The following RECK variants were observed in gnomAD, a reference collection of about 807,000 sequenced individuals.
RECK encodes the protein reversion inducing cysteine rich protein with kazal motifs.
RECK carries 69 observed loss-of-function variants against 115.1 expected under a neutral mutation model. The ratio of observed to expected loss-of-function variants is 0.60; its 90% CI spans 0.49 to 0.73. The LOEUF is 0.73. Ranked by LOEUF, RECK falls within the 30% of genes least tolerant of loss-of-function variation. RECK has a pLI of 0.00. For synonymous variants in RECK, 414 were observed against 419.7 expected, an observed-to-expected ratio of 0.99 and a Z score of 0.17; for missense variants, 1,047 against 1,203.7, an observed-to-expected ratio of 0.87 and a Z score of 1.93.
Position 36,123,129 on chromosome 9 carries a change from A to C in RECK, c.*84A>C. On this transcript the variant is annotated 3_prime_UTR_variant, in exon 21 of 21. Coordinates refer to ENST00000377966, the MANE Select transcript of RECK (RefSeq NM_021111.3). The stretch of plus-strand genomic sequence containing the variant: ...TTCAGGACTGCTGGTTTGTAGTTGA[A>C]TATTGGCCAAGGAAAGGCACATGTC... 8.9e-7 allele frequency: 1 copy of C among 1,117,974 alleles called. No homozygotes were observed. The highest frequency in any genetic ancestry group is 1.3e-6 in the Non-Finnish European group (1 of 777,536). The allele number at this position is 1,117,974 out of a possible 1,614,324, so 69.3% of individuals were successfully genotyped here.
At chr9:36,066,934 T>C in intron 6 of RECK, 1 of 1,098,486 alleles carries the variant, frequency 9.1e-7, no homozygotes, top group South Asian at 1.3e-5. Context: ...CCAGTCTATC[T>C]TCCCTAATTT....
In RECK at chr9:36,123,051, C is replaced by T; in HGVS notation, c.*6C>T. 1 of 1,609,026 alleles carries T rather than the reference C, an allele frequency of 6.2e-7. No homozygotes were observed. The highest frequency in any genetic ancestry group is 8.5e-7 in the Non-Finnish European group (1 of 1,176,214). On this transcript the variant is annotated 3_prime_UTR_variant, in exon 21 of 21. Transcript: ENST00000377966. ...TGCTCTGGACATATAACTGACTGCC[C>T]ACGGAAAGTGCAGAATGCTCCTCCA... is the stretch of plus-strand genomic sequence containing the variant.
chr9:36,081,466 A>G (rs1334406166), intron 7 of RECK, among the ~76,000 whole-genome samples: 4 of 152,100 alleles, frequency 2.6e-5, no homozygotes, highest in African/African-American at 9.7e-5. Flanking sequence ...CTGTTCTTAT[A>G]TGTCCTCACC....
At chr9:36,106,268 C>G (rs1427944425) in intron 13 of RECK, among the ~76,000 whole-genome samples, 2 of 148,608 alleles carry the variant, frequency 1.3e-5, no homozygotes, top group Non-Finnish European at 3.0e-5. Context: ...GGGTTTCACT[C>G]TTGTTACCCA....
Position 36,118,879 on chromosome 9 carries a change from CCT to C in RECK, c.2380_2381del (p.Ser794ArgfsTer43). ...ATGGGGACTGCCAGGCCGTCGGAGT[CCT>C]CTCAGAGCACAGCTCCGTCGCCGAG... ...YYGDCQAVGVLSEHSSVAECA... is the reference protein window; with the variant it reads ...YYGDCQAVGVXSEHSSVAECA... On this transcript the variant is annotated frameshift_variant, in exon 18 of 21. Transcript: ENST00000377966. LOFTEE classifies it high-confidence loss of function. The C allele has an allele frequency of 6.2e-7, 1 of 1,614,000 alleles. No homozygotes were observed. The highest frequency in any genetic ancestry group is 1.3e-5 in the African/African-American group (1 of 75,036).
At chr9:36,059,451 G>A (rs1303898336) in intron 3 of RECK, among the ~76,000 whole-genome samples, 4 of 103,280 alleles carry the variant, frequency 3.9e-5, no homozygotes, top group African/African-American at 7.7e-5. Flanking sequence ...GTAAGACTCC[G>A]TCTCAAAAAA....
Position 36,123,346 on chromosome 9 carries a change from C to T in RECK, c.*301C>T, listed in dbSNP as rs572907786. ...GTCCCCCACTCTAAAGCAAATTTAT[C>T]GCTGGGAAATGAGATGACCACTTTT... On this transcript the variant is annotated 3_prime_UTR_variant, in exon 21 of 21. Transcript: ENST00000377966. 6 of 273,694 alleles carry T rather than the reference C, an allele frequency of 2.2e-5. No individual in the cohort carries two copies. In the East Asian group the frequency reaches 2.9e-4, roughly 13 times the overall value. The allele number at this position is 273,694 out of a possible 1,614,324, so 17.0% of individuals were successfully genotyped here.
intron 6 of RECK, chr9:36,067,009 T>C (rs1822029020): frequency 2.5e-6 from 1 of 395,050 alleles, no homozygotes; most frequent in African/African-American, 2.1e-5. Context: ...TGTTTTTATA[T>C]TAAAAGTTGA....
intron 1 of RECK, 91 bp downstream of exon 1, chr9:36,037,189 G>A (rs900979428): frequency 8.9e-6 from 7 of 782,918 alleles, no homozygotes; most frequent in Non-Finnish European, 1.2e-5. Context: ...GGGGGTGCGC[G>A]CGACCCCCAG....
intron 6 of RECK, among the ~76,000 whole-genome samples, chr9:36,068,927 CA>C (rs1822119268): frequency 6.6e-6 from 1 of 152,134 alleles, no homozygotes; most frequent in South Asian, 2.1e-4. Context: ...TGTAAAACCT[CA>C]AGCTGAGAAT....
intron 10 of RECK, among the ~76,000 whole-genome samples, chr9:36,095,868 C>T (rs1344352017): frequency 2.0e-5 from 3 of 147,196 alleles, no homozygotes; most frequent in African/African-American, 7.6e-5. Flanking sequence ...GTCAGGAGTT[C>T]GAGACCAGCC....
intron 2 of RECK, among the ~76,000 whole-genome samples, chr9:36,057,597 C>T (rs1389975406): frequency 1.3e-5 from 2 of 152,116 alleles, no homozygotes; most frequent in African/African-American, 2.4e-5. Flanking sequence ...GCGGGCGGAT[C>T]GCTTTGAGCT....
chr9:36,061,982 C>A (rs1340285542), intron 4 of RECK, among the ~76,000 whole-genome samples: 1 of 152,074 alleles, frequency 6.6e-6, no homozygotes, highest in Non-Finnish European at 1.5e-5. Flanking sequence ...TGCCTTGAAT[C>A]CCTGACATTT....
chr9:36,036,951 C>T lies in RECK; in HGVS notation c.-48C>T, dbSNP rs1026899026. 9.5e-6 allele frequency: 12 copies of T among 1,259,226 alleles called. No individual in the cohort carries two copies. Among genetic ancestry groups the T allele is most frequent in the African/African-American group, 4.7e-5 (3 of 63,194 alleles). 78.0% of individuals were successfully genotyped at this position (1,259,226 alleles called of 1,614,324 possible). A position where few individuals can be genotyped will look rare whatever the true frequency, so the allele number is the denominator to read the frequency against. On this transcript the variant is annotated 5_prime_UTR_variant, in exon 1 of 21. Transcript: ENST00000377966. ...CGGTAGCGGCGGCAGCGGCTGCGGCCAAGCTGGGTCCGAGCATCCCGCGGC... is the reference window on the plus strand; with the variant it reads ...CGGTAGCGGCGGCAGCGGCTGCGGCTAAGCTGGGTCCGAGCATCCCGCGGC...
At chr9:36,116,918 G>T in intron 16 of RECK, 67 bp from the exon 17 acceptor site, 1 of 1,305,494 alleles carries the variant, frequency 7.7e-7, no homozygotes, top group Non-Finnish European at 1.1e-6. Flanking sequence ...CCCTCATCTA[G>T]TGCTTTGCTA....
chr9:36,052,155 A>G, intron 1 of RECK, 110 bp from the exon 2 acceptor site: 2 of 668,280 alleles, frequency 3.0e-6, no homozygotes, highest in Non-Finnish European at 2.7e-6. Flanking sequence ...AAAATTAATA[A>G]TAATAATAAT....
chr9:36,104,330 T>G (rs867021071), intron 12 of RECK, among the ~76,000 whole-genome samples: 1 of 16,986 alleles, frequency 5.9e-5, no homozygotes, highest in Non-Finnish European at 1.0e-4. Context: ...ATATATATTT[T>G]TTTTTTTTTT....
chr9:36,099,554 C>G (rs1451576268), intron 10 of RECK, among the ~76,000 whole-genome samples: 1 of 151,954 alleles, frequency 6.6e-6, no homozygotes. Flanking sequence ...CTTTATTGCC[C>G]AGGCTGGCCT....
Position 36,112,435 on chromosome 9 carries a change from A to T in RECK, c.2019A>T (p.Ser673=). The change falls in exon 16 of 21, where the codon TCA becomes TCT. Residue 673 remains serine (S), a synonymous_variant. Transcript: ENST00000377966. ...AGTTTGAGTTTGGATCATGCATGTC[A>T]AAGGATCCATGTAATCCTAATCCCT... The part of the protein sequence containing the change: ...DHQFEFGSCM[S]KDPCNPNPCQ... 1 of 1,614,134 alleles carries T rather than the reference A, an allele frequency of 6.2e-7. No individual in the cohort carries two copies. Among genetic ancestry groups the T allele is most frequent in the South Asian group, 1.1e-5 (1 of 91,086 alleles).
Sources: allele counts gnomAD v4.1 joint callset (sites outside exome capture counted in the v4.1 genomes callset), GRCh38; gene constraint gnomAD v4.1.1; transcripts MANE v1.5; gene names NCBI Gene and HGNC (gene_info 2026-07-23, HGNC 2026-07-21).